The following ZNF177 variants were observed in gnomAD, a reference collection of about 807,000 sequenced individuals.
ZNF177 encodes zinc finger protein 177.
ZNF177 carries 17 observed loss-of-function variants against 19.4 expected under a neutral mutation model. That is an observed-to-expected ratio of 0.87 (90% CI 0.60 to 1.31). The LOEUF (loss-of-function observed/expected upper bound fraction) is 1.31, where lower values mean the gene tolerates loss of function less well. Among genes scored for constraint, ZNF177 ranks in the 40% most tolerant of loss-of-function variants. The pLI, the probability that ZNF177 is intolerant of heterozygous loss-of-function variation, is 0.00. For synonymous variants in ZNF177, 220 were observed against 188.7 expected, an observed-to-expected ratio of 1.17 and a Z score of -1.36; for missense variants, 633 against 561.8, an observed-to-expected ratio of 1.13 and a Z score of -1.28.
intron 1 of ZNF177, among the ~76,000 whole-genome samples, chr19:9,363,926 C>G (rs2067941755): frequency 6.6e-6 from 1 of 152,182 alleles, no homozygotes; most frequent in Admixed American, 6.5e-5. Flanking sequence ...AAGCTTTCAG[C>G]TTGTCACTAC....
chr19:9,363,906 C>T (rs1217184776), intron 1 of ZNF177, among the ~76,000 whole-genome samples: 1 of 152,164 alleles, frequency 6.6e-6, no homozygotes, highest in African/African-American at 2.4e-5. Context: ...CCTTCCAGGT[C>T]TCAGAAAGAA....
chr19:9,380,704 A>T (rs1358139813), exon 6 of ZNF177: 1 of 1,535,934 alleles, frequency 6.5e-7, no homozygotes, highest in East Asian at 2.4e-5. Context: ...CCTGGAGTGT[A>T]ACCATTGTGG....
exon 5 of ZNF177, chr19:9,380,084 A>T (rs2230750): frequency 6.2e-7 from 1 of 1,612,140 alleles, no homozygotes; most frequent in South Asian, 1.1e-5. Context: ...AAACCAAAAG[A>T]TACAATTGCT....
chr19:9,367,604 A>G (rs1384172824), intron 2 of ZNF177, among the ~76,000 whole-genome samples: 1 of 152,150 alleles, frequency 6.6e-6, no homozygotes, highest in East Asian at 1.9e-4. Flanking sequence ...ATCTGAATCT[A>G]TGTTGAAATT....
At chr19:9,375,453 C>T (rs1270606695), upstream of ZNF177, among the ~76,000 whole-genome samples, 3 of 152,106 alleles carry the variant, frequency 2.0e-5, no homozygotes, top group Non-Finnish European at 2.9e-5. Flanking sequence ...GGTGAAGCCA[C>T]CAAGTCCTGG....
chr19:9,379,342 G>T (rs1360232317), intron 3 of ZNF177, among the ~76,000 whole-genome samples, 185 bp from the exon 6 acceptor site: 1 of 152,228 alleles, frequency 6.6e-6, no homozygotes, highest in South Asian at 2.1e-4. Context: ...CTTCCATATA[G>T]GGCGTGGACC....
exon 6 of ZNF177, chr19:9,380,710 T>C (rs1334442655): frequency 6.5e-7 from 1 of 1,535,888 alleles, no homozygotes; most frequent in South Asian, 1.2e-5. Flanking sequence ...GTGTAACCAT[T>C]GTGGGAAATT....
At chr19:9,367,444 A>G (rs1175704790) in intron 2 of ZNF177, among the ~76,000 whole-genome samples, 1 of 152,152 alleles carries the variant, frequency 6.6e-6, no homozygotes, top group Non-Finnish European at 1.5e-5. Context: ...TGATCATACA[A>G]TTTTTCTTTT....
At chr19:9,378,096 A>G (rs755838279) in intron 1 of ZNF177, among the ~76,000 whole-genome samples, 163 bp from the exon 4 acceptor site, 44 of 152,194 alleles carry the variant, frequency 2.9e-4, no homozygotes, top group Admixed American at 3.9e-4. Context: ...AATGCATACT[A>G]TATTTCTAAT....
At chr19:9,381,981 G>T in exon 6 of ZNF177, 1 of 717,282 alleles carries the variant, frequency 1.4e-6, no homozygotes, top group Non-Finnish European at 2.1e-6. Context: ...TGTCACAACT[G>T]TAGATCCTAT....
chr19:9,373,171 TCA>T (rs1599388212), upstream of ZNF177, among the ~76,000 whole-genome samples: 4 of 152,304 alleles, frequency 2.6e-5, no homozygotes, highest in Admixed American at 6.5e-5. Context: ...CCCTTGGTAA[TCA>T]CCTTTCTAAT....
At chr19:9,376,233 C>T (rs2068107896), upstream of ZNF177, 1 of 152,184 alleles carries the variant, frequency 6.6e-6, no homozygotes, top group Admixed American at 6.5e-5. Context: ...TCAAGCAATC[C>T]TCCCACCCTA....
At chr19:9,367,426 C>CT in intron 2 of ZNF177, among the ~76,000 whole-genome samples, 1 of 152,142 alleles carries the variant, frequency 6.6e-6, no homozygotes, top group Non-Finnish European at 1.5e-5. Context: ...GTTTTTATCA[C>CT]TTTGAGTTGA....
upstream of ZNF177, among the ~76,000 whole-genome samples, chr19:9,372,671 G>A (rs959294487): frequency 2.8e-5 from 4 of 145,102 alleles, no homozygotes; most frequent in South Asian, 2.3e-4. Context: ...CTCCCCTCCC[G>A]AGTAGCTGGG....
intron 2 of ZNF177, among the ~76,000 whole-genome samples, chr19:9,371,130 C>A (rs2068042492): frequency 6.6e-6 from 1 of 152,206 alleles, no homozygotes; most frequent in South Asian, 2.1e-4. Context: ...GTCATTTCAT[C>A]AGTATATTAC....
chr19:9,363,609 T>G (rs1279820916), intron 1 of ZNF177, among the ~76,000 whole-genome samples: 3 of 152,196 alleles, frequency 2.0e-5, no homozygotes, highest in Admixed American at 6.5e-5. Flanking sequence ...GAAAGTCAAG[T>G]TGTTGGGTCA....
downstream of ZNF177, chr19:9,382,373 C>A (rs2122573918): frequency 7.5e-6 from 3 of 398,782 alleles, no homozygotes; most frequent in Middle Eastern, 6.3e-4. Context: ...TGTCTTGTCC[C>A]TTATTTCCTA....
At chr19:9,364,699 G>C (rs1338657729) in intron 1 of ZNF177, among the ~76,000 whole-genome samples, 163 bp from the exon 2 acceptor site, 1 of 152,138 alleles carries the variant, frequency 6.6e-6, no homozygotes, top group East Asian at 1.9e-4. Flanking sequence ...AGTGCTGAAA[G>C]GGGTGTCTTG....
chr19:9,372,167 GCTTGCA>G (rs2068054632), upstream of ZNF177, among the ~76,000 whole-genome samples: 1 of 152,096 alleles, frequency 6.6e-6, no homozygotes, highest in African/African-American at 2.4e-5. Context: ...AGGTCGATTT[GCTTGCA>G]CTAGTTGCTT....
Sources: gnomAD v4.1 joint callset for allele counts (sites outside exome capture counted in the v4.1 genomes callset) on GRCh38, gnomAD v4.1.1 for gene constraint, MANE v1.5 for transcripts, NCBI Gene and HGNC (gene_info 2026-07-23, HGNC 2026-07-21) for gene names.